COX7B2: variants seen among roughly 807,000 people sequenced by gnomAD.
The protein encoded by COX7B2 is cytochrome c oxidase subunit 7B2, also known as cytochrome c oxidase subunit 7B2, mitochondrial.
For synonymous variants in COX7B2, 37 were observed against 32.1 expected, an observed-to-expected ratio of 1.15 and a Z score of -0.51; for missense variants, 109 against 95.9, an observed-to-expected ratio of 1.14 and a Z score of -0.57.
chr4:46,905,922 C>T (rs1192287618), intron 1 of COX7B2, among the ~76,000 whole-genome samples: 4 of 148,712 alleles, frequency 2.7e-5, no homozygotes, highest in Non-Finnish European at 4.5e-5. Flanking sequence ...CTCCGCTTCC[C>T]GGGTTCACGC....
chr4:46,874,502 T>C (rs765344387), intron 1 of COX7B2, among the ~76,000 whole-genome samples: 1 of 152,230 alleles, frequency 6.6e-6, no homozygotes, highest in Non-Finnish European at 1.5e-5. Context: ...CTCTTCATTT[T>C]CTATTCCATT....
At chr4:46,780,147 G>T (rs1287047807) in intron 2 of COX7B2, among the ~76,000 whole-genome samples, 1 of 151,986 alleles carries the variant, frequency 6.6e-6, no homozygotes, top group African/African-American at 2.4e-5. Flanking sequence ...ACTAATCCAG[G>T]GTTACATGGT....
chr4:46,744,558 T>C (rs1714905198), intron 2 of COX7B2, among the ~76,000 whole-genome samples: 1 of 151,980 alleles, frequency 6.6e-6, no homozygotes, highest in Non-Finnish European at 1.5e-5. Flanking sequence ...TATTTCATGA[T>C]TCTACGTGGC....
chr4:46,896,231 C>T (rs1000953871), intron 1 of COX7B2, among the ~76,000 whole-genome samples: 1 of 152,142 alleles, frequency 6.6e-6, no homozygotes, highest in Non-Finnish European at 1.5e-5. Flanking sequence ...AACTGGCATG[C>T]CCATGAGACT....
intron 1 of COX7B2, among the ~76,000 whole-genome samples, chr4:46,855,444 T>A (rs548001432): frequency 6.6e-6 from 1 of 152,090 alleles, no homozygotes; most frequent in South Asian, 2.1e-4. Context: ...TCAGTAAAGA[T>A]TTTCAATACT....
chr4:46,901,042 A>C (rs190226360), intron 1 of COX7B2, among the ~76,000 whole-genome samples: 1 of 152,318 alleles, frequency 6.6e-6, no homozygotes, highest in African/African-American at 2.4e-5. Flanking sequence ...TCTGCCTTTG[A>C]TTACCTAGCC....
chr4:46,788,057 AC>A (rs1717843692), intron 2 of COX7B2, among the ~76,000 whole-genome samples: 1 of 152,158 alleles, frequency 6.6e-6, no homozygotes, highest in South Asian at 2.1e-4. Flanking sequence ...TCAGCTGGGC[AC>A]ACAGACTTGT....
At chr4:46,770,360 A>G (rs1470447694) in intron 2 of COX7B2, among the ~76,000 whole-genome samples, 1 of 152,164 alleles carries the variant, frequency 6.6e-6, no homozygotes, top group Non-Finnish European at 1.5e-5. Flanking sequence ...ATAAATGAAA[A>G]TAATAATACC....
chr4:46,776,088 C>T (rs1391824499), intron 2 of COX7B2, among the ~76,000 whole-genome samples: 2 of 151,862 alleles, frequency 1.3e-5, no homozygotes, highest in African/African-American at 4.8e-5. Context: ...TACTTCCTGA[C>T]AACAGACAAT....
At chr4:46,736,530 T>G (rs1471420987) in intron 2 of COX7B2, among the ~76,000 whole-genome samples, 1 of 152,080 alleles carries the variant, frequency 6.6e-6, no homozygotes, top group African/African-American at 2.4e-5. Context: ...AATAAAAGTT[T>G]CAAGCTTCTT....
intron 2 of COX7B2, among the ~76,000 whole-genome samples, chr4:46,744,738 ATTTT>A (rs773481406): frequency 3.2e-5 from 4 of 124,650 alleles, no homozygotes; most frequent in Admixed American, 9.6e-5. Flanking sequence ...AGATATTTTA[ATTTT>A]TTTTTTTTTT....
chr4:46,764,679 CA>C (rs11357133), intron 2 of COX7B2, among the ~76,000 whole-genome samples: 103,318 of 128,952 alleles, frequency 0.8, 40,313 homozygotes, highest in South Asian at 0.89. Context: ...GACTCCGCCT[CA>C]AAAAAAAAAA....
At chr4:46,832,617 T>A (rs1260139663) in intron 2 of COX7B2, among the ~76,000 whole-genome samples, 1 of 152,126 alleles carries the variant, frequency 6.6e-6, no homozygotes, top group Non-Finnish European at 1.5e-5. Context: ...TGATTCCCAA[T>A]GTTGGAGGTG....
chr4:46,840,723 C>T (rs1041601211), intron 2 of COX7B2, among the ~76,000 whole-genome samples: 3 of 152,026 alleles, frequency 2.0e-5, no homozygotes, highest in Admixed American at 6.6e-5. Context: ...TACTGTGATA[C>T]AATAATACCT....
chr4:46,742,494 A>G (rs1714776318), intron 2 of COX7B2, among the ~76,000 whole-genome samples: 1 of 152,148 alleles, frequency 6.6e-6, no homozygotes, highest in African/African-American at 2.4e-5. Context: ...ATTTCATAAC[A>G]GGAAATATGG....
At chr4:46,882,061 C>A (rs1316509546) in intron 1 of COX7B2, among the ~76,000 whole-genome samples, 1 of 152,130 alleles carries the variant, frequency 6.6e-6, no homozygotes, top group African/African-American at 2.4e-5. Flanking sequence ...ACCCAAAAGT[C>A]ATACAGGAGC....
chr4:46,905,814 CTTTT>C (rs761904309), intron 1 of COX7B2, among the ~76,000 whole-genome samples: 1 of 71,690 alleles, frequency 1.4e-5, no homozygotes, highest in East Asian at 4.8e-4. Context: ...GCATATATTT[CTTTT>C]TTTTTTTTTT....
chr4:46,883,631 G>A (rs980416423), intron 1 of COX7B2, among the ~76,000 whole-genome samples: 4 of 151,968 alleles, frequency 2.6e-5, no homozygotes, highest in African/African-American at 2.4e-5. Context: ...CCAGCTACTC[G>A]GGAGGCTGAA....
intron 2 of COX7B2, among the ~76,000 whole-genome samples, chr4:46,741,405 G>A (rs1714699761): frequency 1.3e-5 from 2 of 151,990 alleles, no homozygotes; most frequent in Non-Finnish European, 2.9e-5. Context: ...GTATCCCCCA[G>A]TTTTGACACC....
Sources: gnomAD v4.1 joint callset for allele counts (sites outside exome capture counted in the v4.1 genomes callset) on GRCh38, gnomAD v4.1.1 for gene constraint, MANE v1.5 for transcripts, NCBI Gene and HGNC (gene_info 2026-07-23, HGNC 2026-07-21) for gene names.